The following RAD54L2 variants were observed in gnomAD, a reference collection of about 807,000 sequenced individuals.
The protein encoded by RAD54L2 is RAD54 like 2.
A neutral mutation model predicts 138.4 loss-of-function variants in RAD54L2; 27 were observed. The observed-to-expected ratio is 0.20, with a 90% CI of 0.14 to 0.27. RAD54L2 has a LOEUF of 0.27. RAD54L2 is among the 10% of genes least tolerant of loss of function. The probability of loss-of-function intolerance (pLI) is 1.00; values close to 1 mark genes in which losing one functional copy is unlikely to be tolerated. For missense variants in RAD54L2, 1,396 were observed against 1,890.2 expected, an observed-to-expected ratio of 0.74 and a Z score of 4.85; for synonymous variants, 644 against 723.2, an observed-to-expected ratio of 0.89 and a Z score of 1.76.
intron 3 of RAD54L2, among the ~76,000 whole-genome samples, chr3:51,598,177 G>GTATATATATATATATA (rs71084152): frequency 7.4e-6 from 1 of 135,258 alleles, no homozygotes; most frequent in African/African-American, 2.7e-5. Context: ...GTGTGTGTGT[G>GTATATATATATATATA]TATATATATA....
At chr3:51,644,957 G>T in intron 16 of RAD54L2, 67 bp from the exon 17 acceptor site, 2 of 1,548,594 alleles carry the variant, frequency 1.3e-6, no homozygotes, top group Non-Finnish European at 1.8e-6. Context: ...AGTCACAGAG[G>T]GCAAAACTGA....
chr3:51,552,283 GAC>G (rs1698857154), intron 2 of RAD54L2, among the ~76,000 whole-genome samples: 1 of 150,834 alleles, frequency 6.6e-6, no homozygotes, highest in Admixed American at 6.6e-5. Context: ...TTTTTTTTGA[GAC>G]AGAGTCTTGC....
chr3:51,639,512 G>A lies in RAD54L2; in HGVS notation c.1954G>A (p.Gly652Arg). The change falls in exon 13 of 23, where the codon GGG becomes AGG. Residue 652 changes from glycine to arginine, a missense_variant. Gly to Arg is a moderately radical substitution (Grantham distance 125, BLOSUM62 -2). Transcript: ENST00000684192. Reference sequence around the variant, plus strand: ...AGACGTGGAAGAACTTGGCTCTGCAGGGACCAGTGCCCGCTGTCCACCACA... The same window carrying A: ...AGACGTGGAAGAACTTGGCTCTGCAAGGACCAGTGCCCGCTGTCCACCACA... Reference protein sequence around the residue: ...DLDVEELGSAGTSARCPPQGT... With the variant: ...DLDVEELGSARTSARCPPQGT... 6.2e-7 allele frequency: 1 copy of A among 1,614,018 alleles called. No individual in the cohort carries two copies. Among genetic ancestry groups the A allele is most frequent in the South Asian group, 1.1e-5 (1 of 91,084 alleles).
chr3:51,568,292 C>T (rs1185453713), intron 2 of RAD54L2, among the ~76,000 whole-genome samples: 1 of 152,142 alleles, frequency 6.6e-6, no homozygotes, highest in African/African-American at 2.4e-5. Context: ...GGATTAGCTC[C>T]TCATCCTGTC....
At chr3:51,575,380 G>C (rs1032829082) in intron 2 of RAD54L2, among the ~76,000 whole-genome samples, 2 of 151,978 alleles carry the variant, frequency 1.3e-5, no homozygotes, top group Admixed American at 1.3e-4. Flanking sequence ...TTCCAATTCT[G>C]TGAAGAAAGT....
In RAD54L2 at chr3:51,594,154, TCCA is replaced by T. The variant is rs568886201; in HGVS notation, c.139+3598_139+3600del. Among the ~76,000 whole-genome samples the T allele has an allele frequency of 5.0e-3, 696 of 138,084 alleles. 4 individuals are homozygous for T. Among genetic ancestry groups the T allele is most frequent in the South Asian group, 0.024 (95 of 3,960 alleles). The allele number at this position is 138,084 out of a possible 152,430, so 90.6% of individuals were successfully genotyped here. On this transcript the variant is annotated intron_variant, in intron 3 of 22. Coordinates refer to ENST00000684192, the MANE Select transcript of RAD54L2 (RefSeq NM_015106.4). ...GGCATGATCTCAGCTCACTGCAACC[TCCA>T]CCTCCTGAGTTCAAGCAGTTCTCCC...
intron 3 of RAD54L2, among the ~76,000 whole-genome samples, chr3:51,610,232 G>GGAA (rs2106756484): frequency 6.6e-6 from 1 of 152,232 alleles, no homozygotes; most frequent in Non-Finnish European, 1.5e-5. Flanking sequence ...GAGCCCTTAG[G>GGAA]GAAGGGTCAC....
intron 4 of RAD54L2, among the ~76,000 whole-genome samples, chr3:51,628,464 C>T (rs1700745840): frequency 1.3e-5 from 2 of 151,990 alleles, no homozygotes; most frequent in African/African-American, 2.4e-5. Context: ...GATCTTGGCT[C>T]ACTGTACCCC....
chr3:51,572,724 C>T (rs1267499911), intron 2 of RAD54L2, among the ~76,000 whole-genome samples: 1 of 150,714 alleles, frequency 6.6e-6, no homozygotes, highest in South Asian at 2.1e-4. Context: ...CTGCAACCTC[C>T]GCCTCCCGGG....
At chr3:51,579,161 C>CTTTTTT (rs771455214) in intron 2 of RAD54L2, among the ~76,000 whole-genome samples, 2 of 131,652 alleles carry the variant, frequency 1.5e-5, no homozygotes, top group East Asian at 2.2e-4. Context: ...TGAGCCTGGG[C>CTTTTTT]TTTTTTTTTT....
At chr3:51,611,979 A>T (rs766988807) in intron 3 of RAD54L2, among the ~76,000 whole-genome samples, 2 of 152,164 alleles carry the variant, frequency 1.3e-5, no homozygotes, top group Non-Finnish European at 2.9e-5. Context: ...GGTGATGGCT[A>T]CGTATAAGAT....
intron 2 of RAD54L2, among the ~76,000 whole-genome samples, chr3:51,559,290 A>G (rs191568170): frequency 1.3e-5 from 2 of 152,352 alleles, no homozygotes; most frequent in African/African-American, 2.4e-5. Flanking sequence ...CCAGCTTCCT[A>G]ACCTCTTATA....
chr3:51,616,363 C>T (rs898169253), intron 3 of RAD54L2, among the ~76,000 whole-genome samples: 2 of 152,058 alleles, frequency 1.3e-5, no homozygotes, highest in African/African-American at 4.8e-5. Flanking sequence ...TCTTTTTAAA[C>T]GTGTTCATTT....
chr3:51,550,068 A>G (rs1268061321), intron 2 of RAD54L2, among the ~76,000 whole-genome samples: 4 of 152,030 alleles, frequency 2.6e-5, no homozygotes, highest in Admixed American at 6.6e-5. Context: ...CACTGCCCCT[A>G]GGGTGCCCAT....
intron 2 of RAD54L2, among the ~76,000 whole-genome samples, chr3:51,550,580 T>C (rs1293451063): frequency 6.6e-6 from 1 of 152,008 alleles, no homozygotes; most frequent in East Asian, 1.9e-4. Context: ...CTGGGCAACA[T>C]AGGGAGGCTC....
At chr3:51,643,113 G>A (rs1473274653) in intron 15 of RAD54L2, among the ~76,000 whole-genome samples, 1 of 141,104 alleles carries the variant, frequency 7.1e-6, no homozygotes, top group African/African-American at 2.7e-5. Flanking sequence ...TGGCTGAACT[G>A]CAGCCTCCGT....
chr3:51,562,241 T>A (rs1447021702), intron 2 of RAD54L2, among the ~76,000 whole-genome samples: 5 of 151,362 alleles, frequency 3.3e-5, no homozygotes, highest in Middle Eastern at 3.2e-3. Context: ...TAAATTTTAT[T>A]TTTTTTTGAG....
At chr3:51,555,816 A>G (rs1698949055) in intron 2 of RAD54L2, among the ~76,000 whole-genome samples, 1 of 152,218 alleles carries the variant, frequency 6.6e-6, no homozygotes, top group Non-Finnish European at 1.5e-5. Context: ...ATTTACCCCC[A>G]GACACAAGTA....
intron 3 of RAD54L2, among the ~76,000 whole-genome samples, chr3:51,607,936 C>T (rs1307104131): frequency 7.2e-6 from 1 of 139,230 alleles, no homozygotes; most frequent in Non-Finnish European, 1.5e-5. Context: ...GGGCTGCCCC[C>T]CTCCTCCCGG....
Sources: gnomAD v4.1 joint callset for allele counts (sites outside exome capture counted in the v4.1 genomes callset) on GRCh38, gnomAD v4.1.1 for gene constraint, MANE v1.5 for transcripts, NCBI Gene and HGNC (gene_info 2026-07-23, HGNC 2026-07-21) for gene names.